Variants in DDX24 observed in about 807,000 individuals in gnomAD.
DDX24 encodes DEAD-box helicase 24.
Under a neutral mutation model 68.9 loss-of-function variants are expected in DDX24, and 24 were observed. The ratio of observed to expected loss-of-function variants is 0.35; its 90% CI spans 0.25 to 0.49. DDX24 has a LOEUF of 0.49. Ranked by LOEUF, DDX24 falls within the 20% of genes least tolerant of loss-of-function variation. DDX24 has a pLI of 0.99. For missense variants in DDX24, 989 were observed against 1,039.0 expected, an observed-to-expected ratio of 0.95 and a Z score of 0.66; for synonymous variants, 395 against 385.2, an observed-to-expected ratio of 1.03 and a Z score of -0.30.
At chr14:94,057,736 C>A (rs1041017179) in intron 6 of DDX24, 86 bp downstream of exon 6, 2 of 1,333,926 alleles carry the variant, frequency 1.5e-6, no homozygotes, top group South Asian at 2.7e-5. Flanking sequence ...TTGGAACCAA[C>A]AATTCCTCCT....
chr14:94,066,773 CATAGGAAA>C (rs1401564549), intron 2 of DDX24, among the ~76,000 whole-genome samples: 18 of 152,172 alleles, frequency 1.2e-4, no homozygotes, highest in Admixed American at 5.2e-4. Context: ...AAGCCACATC[CATAGGAAA>C]AGGGGGAGTA....
At chr14:94,072,368 G>A (rs142306766) in intron 2 of DDX24, among the ~76,000 whole-genome samples, 1,912 of 152,292 alleles carry the variant, frequency 0.013, 44 homozygotes, top group African/African-American at 0.042. Context: ...ACCAAACATC[G>A]TATGTTATCA....
At chr14:94,057,987 G>C (rs11628346) in intron 5 of DDX24, 90 bp from the exon 6 acceptor site, 94,747 of 1,208,794 alleles carry the variant, frequency 0.078, 4,043 homozygotes, top group Middle Eastern at 0.15. Flanking sequence ...AAACATTACA[G>C]TCCTTACCAA....
chr14:94,051,893 G>A lies in DDX24; in HGVS notation c.2309-431C>T, dbSNP rs117032766. The A allele has an allele frequency of 1.1e-3, 176 of 160,968 alleles. 3 individuals are homozygous for A. The South Asian group carries it at 0.016, about 15-fold the overall frequency. 10.0% of individuals were successfully genotyped at this position (160,968 alleles called of 1,614,324 possible). ...CAATTACAACCCCCACCTCCCTGCC[G>A]CCCCAGGAGACACTGAATGCTTCTT... is the stretch of plus-strand genomic sequence containing the variant. On this transcript the variant is annotated intron_variant, in intron 8 of 8. Coordinates refer to ENST00000621632, the MANE Select transcript of DDX24 (RefSeq NM_020414.4).
chr14:94,073,267 A>C (rs960607889), intron 2 of DDX24, among the ~76,000 whole-genome samples: 11 of 151,918 alleles, frequency 7.2e-5, no homozygotes, highest in African/African-American at 2.4e-4. Context: ...TTGTATTTTT[A>C]GTAGAGACAG....
rs1234344496 is a variant in DDX24, at chr14:94,049,869, T to C, written c.*1322A>G. 1 of 151,326 alleles carries C rather than the reference T, an allele frequency of 6.6e-6. No homozygotes were observed. The highest frequency in any genetic ancestry group is 2.4e-5 in the African/African-American group (1 of 41,004). The allele number at this position is 151,326 out of a possible 1,614,324, so 9.4% of individuals were successfully genotyped here. Reference sequence around the variant, plus strand: ...GTGATTGTGCCATTGCACTCCAACCTGGGCAATGGAGCAAGACCCTGTCTC... The same window carrying C: ...GTGATTGTGCCATTGCACTCCAACCCGGGCAATGGAGCAAGACCCTGTCTC... On this transcript the variant is annotated 3_prime_UTR_variant, in exon 9 of 9. Coordinates refer to ENST00000621632, the MANE Select transcript of DDX24 (RefSeq NM_020414.4).
At chr14:94,061,154 G>C (rs1885588962) in intron 3 of DDX24, 88 bp from the exon 4 acceptor site, 1 of 1,467,602 alleles carries the variant, frequency 6.8e-7, no homozygotes, top group Non-Finnish European at 9.4e-7. Flanking sequence ...GATTAGCAGA[G>C]ACAGACATCA....
intron 2 of DDX24, among the ~76,000 whole-genome samples, chr14:94,077,101 C>T (rs538042870): frequency 1.3e-5 from 2 of 152,308 alleles, no homozygotes; most frequent in Admixed American, 6.5e-5. Context: ...AAAATATGTG[C>T]TAATAGACTG....
intron 2 of DDX24, among the ~76,000 whole-genome samples, chr14:94,067,957 C>A (rs4905153): frequency 0.31 from 47,317 of 151,862 alleles, 7,593 homozygotes; most frequent in Admixed American, 0.38. Context: ...AAAAACAAAA[C>A]TAAAGTACAC....
Position 94,079,188 on chromosome 14 carries a change from A to G in DDX24, c.555T>C (p.His185=), listed in dbSNP as rs1405234029. ...KKAKTWIPEV[H]DQKADVSAWK... is the part of the protein sequence containing the mutation. ...AAGCTGACACATCTGCTTTCTGATC[A>G]TGAACTTCAGGAATCCATGTCTTCG... is the stretch of plus-strand genomic sequence containing the variant. The change falls in exon 2 of 9, where the codon CAT becomes CAC. Residue 185 remains histidine, a synonymous_variant. Transcript: ENST00000621632. 4 of 1,614,218 alleles carry G rather than the reference A, an allele frequency of 2.5e-6. No homozygotes were observed. Among genetic ancestry groups the G allele is most frequent in the Middle Eastern group, 3.3e-4 (2 of 6,062 alleles).
intron 2 of DDX24, among the ~76,000 whole-genome samples, chr14:94,076,209 G>A (rs535919895): frequency 1.9e-4 from 29 of 152,134 alleles, no homozygotes; most frequent in Non-Finnish European, 2.8e-4. Context: ...AAGCACAAAT[G>A]TCCATCAATA....
At position 94,049,949 on chromosome 14, in the gene DDX24, A is replaced by T. The variant is rs943031802; in HGVS notation, c.*1242T>A. The T allele has an allele frequency of 7.9e-5, 12 of 152,216 alleles. No individual in the cohort carries two copies. The highest frequency in any genetic ancestry group is 2.9e-4 in the African/African-American group (12 of 41,456). The allele number at this position is 152,216 out of a possible 1,614,324, so 9.4% of individuals were successfully genotyped here. A position where few individuals can be genotyped will look rare whatever the true frequency, so the allele number is the denominator to read the frequency against. ...CTTCAAGACTAAATGCTAATTAGAT[A>T]AAAGTGCCAACCATGAGGCTGAGAG... On this transcript the variant is annotated 3_prime_UTR_variant, in exon 9 of 9. Coordinates refer to ENST00000621632, the MANE Select transcript of DDX24 (RefSeq NM_020414.4).
At chr14:94,077,389 T>C (rs931744613) in intron 2 of DDX24, among the ~76,000 whole-genome samples, 2 of 152,256 alleles carry the variant, frequency 1.3e-5, no homozygotes, top group Non-Finnish European at 2.9e-5. Flanking sequence ...ACGGCTCATA[T>C]AAACCTTGTT....
chr14:94,053,358 CTTTTTTTTTT>C (rs1160011824), intron 7 of DDX24: 1,373 of 124,452 alleles, frequency 0.011, 1 homozygote, highest in South Asian at 0.016. Context: ...TAGGTAATTT[CTTTTTTTTTT>C]TTTTTTTTTT....
intron 2 of DDX24, among the ~76,000 whole-genome samples, chr14:94,077,077 A>G (rs533327863): frequency 7.6e-4 from 116 of 152,392 alleles, no homozygotes; most frequent in Middle Eastern, 3.4e-3. Flanking sequence ...CTGTAAGAAT[A>G]AAGTATATAA....
Position 94,051,292 on chromosome 14 carries a change from C to A in DDX24, c.2479G>T (p.Glu827Ter). 6.2e-7 allele frequency: 1 copy of A among 1,612,652 alleles called. No individual in the cohort carries two copies. The highest frequency in any genetic ancestry group is 8.5e-7 in the Non-Finnish European group (1 of 1,179,664). Residue 827 changes from glutamate (E) to a stop codon, truncating the protein, a stop_gained, in exon 9 of 9, where the codon GAG becomes TAG. Coordinates refer to ENST00000621632, the MANE Select transcript of DDX24 (RefSeq NM_020414.4). LOFTEE classifies it low-confidence loss of function (END_TRUNC). Reference sequence around the variant, plus strand: ...TTGGAGAGACAGCTCAAAGCAGACTCGCTCTTACTTGGGGCAGACACAAGC... The same window carrying A: ...TTGGAGAGACAGCTCAAAGCAGACTAGCTCTTACTTGGGGCAGACACAAGC... Reference protein sequence around the residue: ...PLLVSAPSKSESALSCLSKQK... With the variant: ...PLLVSAPSKS
chr14:94,054,785 G>A (rs1885460303), intron 7 of DDX24, among the ~76,000 whole-genome samples: 2 of 152,326 alleles, frequency 1.3e-5, no homozygotes, highest in Middle Eastern at 3.4e-3. Context: ...ATGGTTCAGG[G>A]AGAAAATGCC....
chr14:94,080,719 A>G (rs1321297990), intron 1 of DDX24, among the ~76,000 whole-genome samples: 1 of 148,528 alleles, frequency 6.7e-6, no homozygotes, highest in African/African-American at 2.6e-5. Context: ...ACAAACAAAA[A>G]AAAACACAAA....
chr14:94,080,687 C>A (rs1428492817), intron 1 of DDX24, among the ~76,000 whole-genome samples: 1 of 151,638 alleles, frequency 6.6e-6, no homozygotes, highest in African/African-American at 2.4e-5. Flanking sequence ...GGACCCGCTG[C>A]GCCACGGCAA....
Sources: allele counts gnomAD v4.1 joint callset (sites outside exome capture counted in the v4.1 genomes callset), GRCh38; gene constraint gnomAD v4.1.1; transcripts MANE v1.5; gene names NCBI Gene and HGNC (gene_info 2026-07-23, HGNC 2026-07-21).